SMG6: variants seen among roughly 807,000 people sequenced by gnomAD.
The protein encoded by SMG6 is telomerase-binding protein EST1A.
Under a neutral mutation model 142.2 loss-of-function variants are expected in SMG6, and 66 were observed. The observed-to-expected ratio is 0.46, with a 90% CI of 0.38 to 0.57. The LOEUF is 0.57. Among genes scored for constraint, SMG6 ranks in the 20% least tolerant of loss-of-function variants. The pLI is 0.00. For synonymous variants in SMG6, 779 were observed against 702.4 expected (o/e 1.11, Z -1.72); for missense variants, 1,793 against 1,832.0 (o/e 0.98, Z 0.39).
chr17:2,077,830 G>C (rs879803502), intron 15 of SMG6, among the ~76,000 whole-genome samples: 5 of 152,054 alleles, frequency 3.3e-5, no homozygotes, highest in Non-Finnish European at 5.9e-5. Context: ...ACTGTGTCTG[G>C]CATTACTTTC....
Position 2,135,414 on chromosome 17 carries a change from C to A in SMG6, c.3357+37244G>T, listed in dbSNP as rs1442196514. 2.0e-5 allele frequency among the ~76,000 whole-genome samples: 3 copies of A among 152,124 alleles called. No homozygotes were observed. In the East Asian group the frequency reaches 5.8e-4, roughly 29 times the overall value. On this transcript the variant is annotated intron_variant, in intron 13 of 18. Transcript: ENST00000263073. ...CTGTACAACAGATCACAAGAACCTACTCCTCTTGTCTAATAAAAACTCTGT... is the reference window on the plus strand; with the variant it reads ...CTGTACAACAGATCACAAGAACCTAATCCTCTTGTCTAATAAAAACTCTGT...
At chr17:2,265,496 C>G (rs1267398017) in intron 8 of SMG6, among the ~76,000 whole-genome samples, 1 of 146,030 alleles carries the variant, frequency 6.8e-6, no homozygotes, top group African/African-American at 2.5e-5. Flanking sequence ...GACAACAGAG[C>G]AAGACTGCCT....
At chr17:2,209,235 G>A (rs1482683716) in intron 10 of SMG6, among the ~76,000 whole-genome samples, 1 of 152,136 alleles carries the variant, frequency 6.6e-6, no homozygotes, top group Non-Finnish European at 1.5e-5. Flanking sequence ...GTATTGAGAT[G>A]GAGTCTCCCC....
chr17:2,222,398 A>G (rs1374766396), intron 10 of SMG6, among the ~76,000 whole-genome samples: 1 of 151,898 alleles, frequency 6.6e-6, no homozygotes, highest in Non-Finnish European at 1.5e-5. Flanking sequence ...AGAACATTCC[A>G]AACAGAGAAA....
chr17:2,129,912 T>C (rs1313473172), intron 13 of SMG6, among the ~76,000 whole-genome samples: 1 of 151,432 alleles, frequency 6.6e-6, no homozygotes, highest in Non-Finnish European at 1.5e-5. Context: ...ATGGTTACCA[T>C]TATAGAACAA....
intron 10 of SMG6, among the ~76,000 whole-genome samples, chr17:2,212,171 T>C (rs900871243): frequency 6.6e-6 from 1 of 152,186 alleles, no homozygotes; most frequent in African/African-American, 2.4e-5. Flanking sequence ...GGGAAGTGTA[T>C]AACTGTTTCC....
intron 8 of SMG6, among the ~76,000 whole-genome samples, chr17:2,273,810 C>A (rs1197026322): frequency 6.6e-6 from 1 of 151,446 alleles, no homozygotes; most frequent in Non-Finnish European, 1.5e-5. Context: ...AAAAAAAACC[C>A]AAAAAAAGCA....
rs548752339 is a variant in SMG6, at chr17:2,087,621, C to T, written c.3358-1720G>A. ...GGGTGCCTGGTCCTGGGCTTGCCTC[C>T]GTGAAGGAGAAGGGAAGCTTGTCTT... On this transcript the variant is annotated intron_variant, in intron 13 of 18. Coordinates refer to ENST00000263073, the MANE Select transcript of SMG6 (RefSeq NM_017575.5). 68 of 995,334 alleles carry T rather than the reference C, an allele frequency of 6.8e-5. No homozygotes were observed. The South Asian group carries it at 1.4e-3, about 20-fold the overall frequency. 61.7% of individuals were successfully genotyped at this position (995,334 alleles called of 1,614,324 possible).
chr17:2,193,358 C>T (rs1032412426), intron 10 of SMG6, among the ~76,000 whole-genome samples: 2 of 152,186 alleles, frequency 1.3e-5, no homozygotes, highest in South Asian at 2.1e-4. Context: ...ACCTGCAGAA[C>T]CGTAAGTCAA....
intron 1 of SMG6, among the ~76,000 whole-genome samples, chr17:2,301,925 A>C (rs1446973012): frequency 6.6e-6 from 1 of 152,126 alleles, no homozygotes; most frequent in Non-Finnish European, 1.5e-5. Context: ...ATTCGGGAGA[A>C]TATTATCAAG....
intron 13 of SMG6, chr17:2,087,365 C>A (rs1478396894): frequency 1.7e-6 from 2 of 1,196,362 alleles, no homozygotes; most frequent in South Asian, 1.5e-5. Context: ...CGGCACACAC[C>A]GGTCAACTGT....
rs139859022 is a variant in SMG6 at position 2,263,967 on chromosome 17, A to G, written c.2661+18680T>C. Reference sequence around the variant, plus strand: ...GCTCCCCAAGAGAACAGTCAGAAACAAAAACCAATATAGGAAGTTGGTGAG... The same window carrying G: ...GCTCCCCAAGAGAACAGTCAGAAACGAAAACCAATATAGGAAGTTGGTGAG... On this transcript the variant is annotated intron_variant, in intron 8 of 18. Coordinates refer to ENST00000263073, the MANE Select transcript of SMG6 (RefSeq NM_017575.5). Among the ~76,000 whole-genome samples, 71 of 152,350 alleles carry G rather than the reference A, an allele frequency of 4.7e-4. 1 individual carries two copies. The highest frequency in any genetic ancestry group is 3.8e-3 in the Admixed American group (58 of 15,300).
At chr17:2,222,914 T>TC (rs1346735932) in intron 10 of SMG6, among the ~76,000 whole-genome samples, 2 of 152,206 alleles carry the variant, frequency 1.3e-5, no homozygotes, top group East Asian at 3.8e-4. Context: ...CGAAACATTT[T>TC]CCTCTGCTCA....
At chr17:2,079,802 C>T (rs1233847428) in intron 15 of SMG6, among the ~76,000 whole-genome samples, 4 of 151,854 alleles carry the variant, frequency 2.6e-5, no homozygotes, top group Non-Finnish European at 5.9e-5. Flanking sequence ...AGGCTGGGCG[C>T]AGTGGCTCAC....
intron 4 of SMG6, among the ~76,000 whole-genome samples, chr17:2,293,225 G>A (rs762069167): frequency 6.6e-6 from 1 of 151,952 alleles, no homozygotes; most frequent in African/African-American, 2.4e-5. Context: ...AAAGAGAGAG[G>A]GTGATTCTTG....
At chr17:2,162,467 T>C (rs916504006) in intron 13 of SMG6, among the ~76,000 whole-genome samples, 1 of 138,850 alleles carries the variant, frequency 7.2e-6, no homozygotes, top group African/African-American at 2.7e-5. Context: ...TAAGCCCAGA[T>C]TGCACCACTG....
At chr17:2,183,900 C>T (rs977156038) in intron 12 of SMG6, among the ~76,000 whole-genome samples, 1 of 152,110 alleles carries the variant, frequency 6.6e-6, no homozygotes, top group African/African-American at 2.4e-5. Context: ...CAGGCAGATA[C>T]AGGAAGACCC....
intron 13 of SMG6, among the ~76,000 whole-genome samples, chr17:2,134,017 C>G (rs1183823882): frequency 6.6e-6 from 1 of 152,106 alleles, no homozygotes; most frequent in Non-Finnish European, 1.5e-5. Flanking sequence ...TGTCTAGACT[C>G]TTGATGTAAG....
At chr17:2,271,115 G>GT (rs2074534199) in intron 8 of SMG6, among the ~76,000 whole-genome samples, 1 of 142,266 alleles carries the variant, frequency 7.0e-6, no homozygotes, top group African/African-American at 2.7e-5. Context: ...GTTTTTTTCT[G>GT]GTTTTTTTTT....
Sources: allele counts gnomAD v4.1 joint callset (sites outside exome capture counted in the v4.1 genomes callset), GRCh38; gene constraint gnomAD v4.1.1; transcripts MANE v1.5; gene names NCBI Gene and HGNC (gene_info 2026-07-23, HGNC 2026-07-21).